Variants in SAMD12 observed in about 807,000 individuals in gnomAD.
The protein encoded by SAMD12 is sterile alpha motif domain-containing protein 12.
Under a neutral mutation model 15.0 loss-of-function variants are expected in SAMD12, and 9 were observed. The observed-to-expected ratio is 0.60, with a 90% CI of 0.36 to 1.05. The LOEUF is 1.05. Ranked by LOEUF, SAMD12 falls within the 50% of genes least tolerant of loss-of-function variation. The pLI is 0.01. For synonymous variants in SAMD12, 86 were observed against 90.1 expected, an observed-to-expected ratio of 0.96 and a Z score of 0.25; for missense variants, 230 against 234.2, an observed-to-expected ratio of 0.98 and a Z score of 0.12.
At chr8:118,499,341 A>G (rs1241795911) in intron 2 of SAMD12, among the ~76,000 whole-genome samples, 2 of 152,328 alleles carry the variant, frequency 1.3e-5, no homozygotes, top group East Asian at 3.9e-4. Flanking sequence ...GAAGGAGCAA[A>G]TATTGTTACC....
chr8:118,420,689 A>G (rs1473370016), intron 3 of SAMD12, among the ~76,000 whole-genome samples: 1 of 152,154 alleles, frequency 6.6e-6, no homozygotes, highest in Non-Finnish European at 1.5e-5. Context: ...GGGGAATTTT[A>G]TATTTTTTAT....
At chr8:118,201,785 G>A (rs1184212721) in intron 4 of SAMD12, among the ~76,000 whole-genome samples, 1 of 152,220 alleles carries the variant, frequency 6.6e-6, no homozygotes, top group Non-Finnish European at 1.5e-5. Context: ...GGCTGTCCAT[G>A]TATGGATTTT....
At chr8:118,451,460 G>A (rs1823078711) in intron 2 of SAMD12, among the ~76,000 whole-genome samples, 1 of 152,054 alleles carries the variant, frequency 6.6e-6, no homozygotes, top group Non-Finnish European at 1.5e-5. Context: ...TATACAATAG[G>A]GCAATGCTAA....
chr8:118,211,314 T>C (rs550924871), intron 4 of SAMD12, among the ~76,000 whole-genome samples: 16 of 152,172 alleles, frequency 1.1e-4, no homozygotes, highest in Non-Finnish European at 1.5e-4. Flanking sequence ...TCTCACTCAT[T>C]ATGGTAGGGG....
At chr8:118,480,388 TAC>T (rs1824092428) in intron 2 of SAMD12, among the ~76,000 whole-genome samples, 1 of 152,220 alleles carries the variant, frequency 6.6e-6, no homozygotes, top group African/African-American at 2.4e-5. Context: ...TATTAAAAAT[TAC>T]AGATTTATCA....
chr8:118,303,205 A>T (rs1815139222), intron 4 of SAMD12, among the ~76,000 whole-genome samples: 4 of 152,226 alleles, frequency 2.6e-5, no homozygotes, highest in Admixed American at 2.6e-4. Flanking sequence ...AGCATGCAAC[A>T]CATTCTACAA....
intron 4 of SAMD12, among the ~76,000 whole-genome samples, chr8:118,294,451 G>A (rs969450166): frequency 1.3e-5 from 2 of 152,174 alleles, no homozygotes; most frequent in African/African-American, 2.4e-5. Context: ...TTCACCAGTC[G>A]GGTTGGGAGT....
chr8:118,314,645 T>C (rs1283858319), intron 4 of SAMD12, among the ~76,000 whole-genome samples: 1 of 152,198 alleles, frequency 6.6e-6, no homozygotes, highest in African/African-American at 2.4e-5. Flanking sequence ...TCATAGAGTA[T>C]ATAACCTTTT....
At chr8:118,193,390 G>A (rs1397793702) in exon 5 of SAMD12, 1 of 152,150 alleles carries the variant, frequency 6.6e-6, no homozygotes. Context: ...AATGGTGCCA[G>A]GAATCATGTG....
At position 118,473,752 on chromosome 8, in the gene SAMD12, C is replaced by T. The variant is rs1033025911; in HGVS notation, c.193-33791G>A. Among the ~76,000 whole-genome samples, 5 of 152,180 alleles carry T rather than the reference C, an allele frequency of 3.3e-5. No individual in the cohort carries two copies. The East Asian group carries it at 9.7e-4, about 29-fold the overall frequency. ...CTCGGCCTGGGAAGCATTGCTCTCA[C>T]TGCTGTCTCTAGATAAGCTGCTTAT... On this transcript the variant is annotated intron_variant, in intron 2 of 3. Coordinates refer to ENST00000314727, the MANE Select transcript of SAMD12 (RefSeq NM_207506.3).
At chr8:118,158,627 A>G in the SAMD12 span, among the ~76,000 whole-genome samples, 1 of 152,228 alleles carries the variant, frequency 6.6e-6, no homozygotes, top group African/African-American at 2.4e-5. Flanking sequence ...CAAGCCAGGG[A>G]TAGTCTGAAG....
At chr8:118,538,094 T>C (rs1480447316) in intron 2 of SAMD12, among the ~76,000 whole-genome samples, 1 of 152,178 alleles carries the variant, frequency 6.6e-6, no homozygotes, top group Non-Finnish European at 1.5e-5. Flanking sequence ...CCAGAAGAAT[T>C]CCCTGGATTA....
chr8:118,363,144 C>A (rs2630102), intron 4 of SAMD12, among the ~76,000 whole-genome samples: 1 of 152,152 alleles, frequency 6.6e-6, no homozygotes, highest in African/African-American at 2.4e-5. Context: ...ATAAGAAATA[C>A]TTCACAGCAG....
intron 1 of SAMD12, among the ~76,000 whole-genome samples, chr8:118,586,805 A>C (rs1356123930): frequency 6.6e-6 from 1 of 152,230 alleles, no homozygotes; most frequent in African/African-American, 2.4e-5. Context: ...ACCTTACAGT[A>C]GGTGCTCAAT....
chr8:118,297,337 G>A (rs1459222451), intron 4 of SAMD12, among the ~76,000 whole-genome samples: 1 of 152,078 alleles, frequency 6.6e-6, no homozygotes, highest in African/African-American at 2.4e-5. Flanking sequence ...TGATATAACT[G>A]ATCCTAAGAC....
At chr8:118,198,576 A>AG (rs1819629333) in intron 4 of SAMD12, among the ~76,000 whole-genome samples, 1 of 152,204 alleles carries the variant, frequency 6.6e-6, no homozygotes, top group African/African-American at 2.4e-5. Flanking sequence ...AGAAAAAAAA[A>AG]TCTACCTCAG....
chr8:118,142,232 C>G, the SAMD12 span, among the ~76,000 whole-genome samples: 14 of 152,184 alleles, frequency 9.2e-5, no homozygotes, highest in Non-Finnish European at 2.1e-4. Context: ...CACTATTCAA[C>G]AATGTGTAAG....
At chr8:118,516,102 C>A (rs1433581378) in intron 2 of SAMD12, among the ~76,000 whole-genome samples, 1 of 152,166 alleles carries the variant, frequency 6.6e-6, no homozygotes, top group African/African-American at 2.4e-5. Flanking sequence ...AGAGAACTCT[C>A]TAGGGAGCCC....
intron 3 of SAMD12, among the ~76,000 whole-genome samples, chr8:118,404,723 C>T (rs954007982): frequency 6.6e-5 from 10 of 152,172 alleles, no homozygotes; most frequent in Non-Finnish European, 1.2e-4. Context: ...CTTTAACAAG[C>T]ACCATAAATG....
Sources: gnomAD v4.1 joint callset for allele counts (sites outside exome capture counted in the v4.1 genomes callset) on GRCh38, gnomAD v4.1.1 for gene constraint, MANE v1.5 for transcripts, NCBI Gene and HGNC (gene_info 2026-07-23, HGNC 2026-07-21) for gene names.